The following CTNNA3 variants were observed in gnomAD, a reference collection of about 807,000 sequenced individuals.
CTNNA3 encodes the protein catenin alpha-3.
A neutral mutation model predicts 95.7 loss-of-function variants in CTNNA3; 76 were observed. That is an observed-to-expected ratio of 0.79 (90% CI 0.66 to 0.96). CTNNA3 has a LOEUF of 0.96. Ranked by LOEUF, CTNNA3 falls within the 40% of genes least tolerant of loss-of-function variation. The probability of loss-of-function intolerance (pLI) is 0.00; values close to 1 mark genes in which losing one functional copy is unlikely to be tolerated. For synonymous variants in CTNNA3, 431 were observed against 374.4 expected (o/e 1.15, Z -1.74); for missense variants, 1,191 against 1,089.8 (o/e 1.09, Z -1.31).
intron 5 of CTNNA3, among the ~76,000 whole-genome samples, chr10:67,426,292 C>T (rs1297091544): frequency 2.0e-5 from 3 of 151,970 alleles, no homozygotes; most frequent in African/African-American, 7.2e-5. Flanking sequence ...TGGCTGATAA[C>T]TATGGTGGTA....
chr10:67,558,920 C>T (rs899751691), intron 3 of CTNNA3, among the ~76,000 whole-genome samples: 17 of 152,210 alleles, frequency 1.1e-4, no homozygotes, highest in Non-Finnish European at 1.5e-5. Context: ...TGCAAGGTGG[C>T]AGCGAGGCTG....
At chr10:66,869,889 C>T (rs183093036) in intron 7 of CTNNA3, among the ~76,000 whole-genome samples, 2 of 152,248 alleles carry the variant, frequency 1.3e-5, no homozygotes, top group Admixed American at 6.5e-5. Flanking sequence ...CACACATAGA[C>T]CTCAAAGCAA....
intron 10 of CTNNA3, among the ~76,000 whole-genome samples, chr10:66,596,061 A>C (rs1179382710): frequency 1.3e-5 from 2 of 152,086 alleles, no homozygotes; most frequent in East Asian, 3.9e-4. Context: ...AAGTGGGAGC[A>C]GCTTCCTTCC....
intron 12 of CTNNA3, among the ~76,000 whole-genome samples, chr10:66,296,557 G>A (rs568973369): frequency 1.5e-4 from 22 of 150,284 alleles, no homozygotes; most frequent in East Asian, 4.0e-4. Context: ...GTGTGCATGC[G>A]TGTGTGTATA....
chr10:66,775,688 G>A (rs1840267892), intron 7 of CTNNA3, among the ~76,000 whole-genome samples, 164 bp from the exon 8 acceptor site: 1 of 152,174 alleles, frequency 6.6e-6, no homozygotes, highest in Admixed American at 6.5e-5. Flanking sequence ...AGACTAAGTA[G>A]AATGGTGATT....
At chr10:66,209,161 G>C (rs2087956972) in intron 13 of CTNNA3, among the ~76,000 whole-genome samples, 1 of 152,056 alleles carries the variant, frequency 6.6e-6, no homozygotes, top group Non-Finnish European at 1.5e-5. Flanking sequence ...TCCAGTTAAA[G>C]TAATAACATC....
At chr10:66,772,253 G>A (rs4595432) in intron 8 of CTNNA3, among the ~76,000 whole-genome samples, 120,618 of 151,428 alleles carry the variant, frequency 0.8, 48,127 homozygotes, top group African/African-American at 0.84. Flanking sequence ...GTGAAACCCT[G>A]TCTCTACTAA....
intron 13 of CTNNA3, among the ~76,000 whole-genome samples, chr10:66,276,965 T>G (rs1197425454): frequency 6.6e-6 from 1 of 152,090 alleles, no homozygotes; most frequent in African/African-American, 2.4e-5. Flanking sequence ...AACCATTATA[T>G]TATGCACTCT....
chr10:66,743,352 A>G (rs1251609767), intron 9 of CTNNA3, among the ~76,000 whole-genome samples: 6 of 152,230 alleles, frequency 3.9e-5, no homozygotes, highest in African/African-American at 1.4e-4. Flanking sequence ...CTCTGCAAAT[A>G]AAATTAATAA....
rs140144669 is a variant in CTNNA3 at position 66,906,804 on chromosome 10, T to C, written c.1048-131280A>G. ...TTTAGAGTTACACTGAGATGAATTA[T>C]ATGATGTTTGAGATTTGCTTCAAGA... is the stretch of plus-strand genomic sequence containing the variant. On this transcript the variant is annotated intron_variant, in intron 7 of 17. Transcript: ENST00000433211. Among the ~76,000 whole-genome samples the C allele has an allele frequency of 1.1e-4, 16 of 152,198 alleles. No homozygotes were observed. In the East Asian group the frequency reaches 2.9e-3, roughly 28 times the overall value.
chr10:67,634,064 C>A (rs956512452), intron 2 of CTNNA3, among the ~76,000 whole-genome samples: 1 of 152,062 alleles, frequency 6.6e-6, no homozygotes, highest in Non-Finnish European at 1.5e-5. Flanking sequence ...GAAAAAATGT[C>A]AAGTGTAGCC....
chr10:65,936,283 T>C (rs1307148245), intron 17 of CTNNA3, among the ~76,000 whole-genome samples: 1 of 152,106 alleles, frequency 6.6e-6, no homozygotes, highest in Non-Finnish European at 1.5e-5. Context: ...GCAAAAGAGT[T>C]CTATGAATTT....
chr10:66,125,046 A>G (rs1295809268), intron 13 of CTNNA3, among the ~76,000 whole-genome samples: 1 of 152,194 alleles, frequency 6.6e-6, no homozygotes, highest in Non-Finnish European at 1.5e-5. Flanking sequence ...AGAAATAAAA[A>G]CTTTCTCAGA....
chr10:66,661,979 A>C (rs1846280400), intron 9 of CTNNA3, among the ~76,000 whole-genome samples: 1 of 152,180 alleles, frequency 6.6e-6, no homozygotes, highest in Non-Finnish European at 1.5e-5. Context: ...CTGGTTCAAA[A>C]ACTGGTGCAC....
intron 1 of CTNNA3, among the ~76,000 whole-genome samples, chr10:67,657,642 T>C (rs1320123097): frequency 6.6e-6 from 1 of 152,042 alleles, no homozygotes; most frequent in African/African-American, 2.4e-5. Context: ...GGTCAGGAGT[T>C]CGAGACCAGC....
rs529270259 is a variant in CTNNA3 at position 66,492,945 on chromosome 10, T to C, written c.1531+27672A>G. Among the ~76,000 whole-genome samples, 8 of 152,322 alleles carry C rather than the reference T, an allele frequency of 5.3e-5. No individual in the cohort carries two copies. In the South Asian group the frequency reaches 6.2e-4, roughly 12 times the overall value. On this transcript the variant is annotated intron_variant, in intron 11 of 17. Coordinates refer to ENST00000433211, the MANE Select transcript of CTNNA3 (RefSeq NM_013266.4). ...TTTCTCACCATCTGGCCTAAACAGTTGGGTTTATCCCTTCCTTGTTCTTCT... is the reference window on the plus strand; with the variant it reads ...TTTCTCACCATCTGGCCTAAACAGTCGGGTTTATCCCTTCCTTGTTCTTCT...
intron 11 of CTNNA3, among the ~76,000 whole-genome samples, chr10:66,512,608 T>C (rs1294980051): frequency 6.6e-6 from 1 of 152,248 alleles, no homozygotes; most frequent in South Asian, 2.1e-4. Flanking sequence ...TAGACACATA[T>C]CTGCTTTTGC....
At chr10:67,289,350 A>C (rs1443286940) in intron 5 of CTNNA3, among the ~76,000 whole-genome samples, 1 of 152,202 alleles carries the variant, frequency 6.6e-6, no homozygotes, top group African/African-American at 2.4e-5. Context: ...ACATCGTTAT[A>C]TGCCAGAGCT....
chr10:66,879,278 A>T (rs10997427), intron 7 of CTNNA3, among the ~76,000 whole-genome samples: 41,929 of 152,022 alleles, frequency 0.28, 6,498 homozygotes, highest in Non-Finnish European at 0.36. Flanking sequence ...GCCATTAATG[A>T]AAAGACTTTA....
Sources: allele counts gnomAD v4.1 joint callset (sites outside exome capture counted in the v4.1 genomes callset), GRCh38; gene constraint gnomAD v4.1.1; transcripts MANE v1.5; gene names NCBI Gene and HGNC (gene_info 2026-07-23, HGNC 2026-07-21).